The following FBXO44 variants were observed in gnomAD, a reference collection of about 807,000 sequenced individuals.
FBXO44 encodes F-box only protein 44.
A neutral mutation model predicts 33.5 loss-of-function variants in FBXO44; 25 were observed. That is an observed-to-expected ratio of 0.75 (90% CI 0.54 to 1.04). The LOEUF is 1.04. Among genes scored for constraint, FBXO44 ranks in the 50% least tolerant of loss-of-function variants. FBXO44 has a pLI of 0.00. For synonymous variants in FBXO44, 147 were observed against 152.8 expected, an observed-to-expected ratio of 0.96 and a Z score of 0.28; for missense variants, 311 against 344.0, an observed-to-expected ratio of 0.90 and a Z score of 0.76.
intron 2 of FBXO44, 114 bp from the exon 3 acceptor site, chr1:11,658,153 A>G: frequency 2.6e-6 from 4 of 1,552,630 alleles, no homozygotes; most frequent in Non-Finnish European, 3.5e-6. Flanking sequence ...CCCACAGCAC[A>G]GGGCTTGAGG....
Position 11,658,304 on chromosome 1 carries a change from C to T in FBXO44, c.303C>T (p.Gly101=), listed in dbSNP as rs376857563. ...FEFWSLDVNG[G]DEWKVEDLSR... is the part of the protein sequence containing the mutation. ...TCTGGAGCCTGGATGTGAATGGAGG[C>T]GATGAGTGGAAGGTGGAGGATCTCT... The change falls in exon 3 of 6, where the codon GGC becomes GGT. Residue 101 remains glycine (G), a synonymous_variant. Transcript: ENST00000251547. 144 of 1,613,430 alleles carry T rather than the reference C, an allele frequency of 8.9e-5. No individual in the cohort carries two copies. The highest frequency in any genetic ancestry group is 1.1e-4 in the Non-Finnish European group (134 of 1,179,874).
chr1:11,654,783 C>T (rs1390909904), upstream of FBXO44: 1 of 151,422 alleles, frequency 6.6e-6, no homozygotes, highest in Non-Finnish European at 1.5e-5. Context: ...GGTAATTTTC[C>T]TACGACGCGG....
At position 11,661,333 on chromosome 1, in the gene FBXO44, G is replaced by A. The variant is rs746928575; in HGVS notation, c.*60G>A. ...GGTAAACAACTGCTGTCAGAAAAGG[G>A]CTGGGCTTGGGAAGGGGAGGTGGAG... On this transcript the variant is annotated 3_prime_UTR_variant, in exon 6 of 6. Transcript: ENST00000251547. This position sits in a 1 kb window ranked among gnomAD's most constrained non-coding sequence, Gnocchi z 4.4. The A allele has an allele frequency of 6.2e-7, 1 of 1,604,744 alleles. No homozygotes were observed. The highest frequency in any genetic ancestry group is 8.5e-7 in the Non-Finnish European group (1 of 1,173,140).
chr1:11,657,162 A>G (rs911479873), intron 2 of FBXO44, among the ~76,000 whole-genome samples: 30 of 152,204 alleles, frequency 2.0e-4, no homozygotes, highest in Non-Finnish European at 7.3e-5. Context: ...GGCATTAATA[A>G]TTGTTCTAAT....
chr1:11,658,975 T>G, intron 5 of FBXO44, 104 bp downstream of exon 5: 1 of 1,398,868 alleles, frequency 7.1e-7, no homozygotes, highest in Admixed American at 2.1e-5. Flanking sequence ...TTCTCACCTG[T>G]GCTTCCAATG....
chr1:11,656,825 A>G (rs968853998), intron 2 of FBXO44, among the ~76,000 whole-genome samples: 3 of 152,146 alleles, frequency 2.0e-5, no homozygotes, highest in South Asian at 2.1e-4. Flanking sequence ...ATGTTGGCCA[A>G]CTGAGACTAA....
rs1346095057 is a variant in FBXO44 at position 11,662,511 on chromosome 1, C to A, written c.*1238C>A. On this transcript the variant is annotated 3_prime_UTR_variant, in exon 6 of 6. Coordinates refer to ENST00000251547, the MANE Select transcript of FBXO44 (RefSeq NM_033182.7). ...CTGCTGGCTTCCTCTGGAGGCCCAG[C>A]CACAGGCTGGGGTTGGGGTGTGTGG... 5 of 152,262 alleles carry A rather than the reference C, an allele frequency of 3.3e-5. No individual in the cohort carries two copies. Among genetic ancestry groups the A allele is most frequent in the South Asian group, 2.1e-4 (1 of 4,838 alleles). 9.4% of individuals were successfully genotyped at this position (152,262 alleles called of 1,614,324 possible). A position where few individuals can be genotyped will look rare whatever the true frequency, so the allele number is the denominator to read the frequency against.
intron 2 of FBXO44, 137 bp from the exon 3 acceptor site, chr1:11,658,130 T>C (rs1243468541): frequency 2.1e-6 from 3 of 1,424,854 alleles, no homozygotes; most frequent in Non-Finnish European, 2.9e-6. Context: ...GTGGGCACTG[T>C]GATCTGCAGC....
intron 4 of FBXO44, 34 bp from the exon 5 acceptor site, chr1:11,658,702 C>T: frequency 6.3e-7 from 1 of 1,599,358 alleles, no homozygotes; most frequent in Non-Finnish European, 8.6e-7. Flanking sequence ...CCCCCAATCT[C>T]CGAGGCCCTG....
At chr1:11,659,691 T>G (rs1289284998) in intron 5 of FBXO44, among the ~76,000 whole-genome samples, 1 of 152,022 alleles carries the variant, frequency 6.6e-6, no homozygotes, top group African/African-American at 2.4e-5. Context: ...AGATGGAGTT[T>G]TGCTTTGTTG....
chr1:11,660,768 T>C (rs1443432891), intron 5 of FBXO44, among the ~76,000 whole-genome samples: 3 of 152,038 alleles, frequency 2.0e-5, no homozygotes, highest in Non-Finnish European at 2.9e-5. Flanking sequence ...CCCACCCTTT[T>C]TGTTAAGGCT....
At chr1:11,660,983 T>C (rs1640146675) in intron 5 of FBXO44, 147 bp from the exon 6 acceptor site, 2 of 771,234 alleles carry the variant, frequency 2.6e-6, no homozygotes, top group Non-Finnish European at 4.2e-6. Context: ...CACTCTCTGG[T>C]TTGCGACAAG....
rs1440924871 is a variant in FBXO44, at chr1:11,656,531, G to A, written c.265+431G>A. On this transcript the variant is annotated intron_variant, in intron 2 of 5. Transcript: ENST00000251547. ...AGCTGGAGTGCAATGGTGCGATCTC[G>A]GCTCACTGCAACCTCCACCTCCTGG... Among the ~76,000 whole-genome samples the A allele has an allele frequency of 3.3e-5, 5 of 151,198 alleles. No homozygotes were observed. In the East Asian group the frequency reaches 5.8e-4, roughly 18 times the overall value.
chr1:11,657,896 CCA>C (rs1188469033), intron 2 of FBXO44, among the ~76,000 whole-genome samples: 2 of 152,144 alleles, frequency 1.3e-5, no homozygotes, highest in East Asian at 3.9e-4. Flanking sequence ...TATTCTTACT[CCA>C]GTTTACAGAG....
chr1:11,661,157 C>A lies in FBXO44; in HGVS notation c.652C>A (p.Pro218Thr). 6.2e-7 allele frequency: 1 copy of A among 1,613,690 alleles called. No homozygotes were observed. The highest frequency in any genetic ancestry group is 1.1e-5 in the South Asian group (1 of 91,060). Residue 218 changes from proline to threonine, a missense_variant, in exon 6 of 6, where the codon CCC becomes ACC. Coordinates refer to ENST00000251547, the MANE Select transcript of FBXO44 (RefSeq NM_033182.7). This position sits in a 1 kb window ranked among gnomAD's most constrained non-coding sequence, Gnocchi z 4.4. ...EVSHTFSNYP[P>T]GVRYIWFQHG... ...CTCCCACACATTCTCCAACTACCCGCCCGGCGTCCGCTACATCTGGTTTCA... is the reference window on the plus strand; with the variant it reads ...CTCCCACACATTCTCCAACTACCCGACCGGCGTCCGCTACATCTGGTTTCA...
In FBXO44 at chr1:11,658,770, C is replaced by G. The variant is rs1158817632; in HGVS notation, c.523C>G (p.Gln175Glu). ...CAGGCCAGATTGCGGGTCCAAGTACCAGCTGTGCGTTCAGCTCCTGTCGTC... is the reference window on the plus strand; with the variant it reads ...CAGGCCAGATTGCGGGTCCAAGTACGAGCTGTGCGTTCAGCTCCTGTCGTC... ...AARPDCGSKY[Q>E]LCVQLLSSAH... The change falls in exon 5 of 6, where the codon CAG becomes GAG. Residue 175 changes from glutamine to glutamate, a missense_variant. By Grantham distance (29) the Gln-to-Glu change is conservative. Coordinates refer to ENST00000251547, the MANE Select transcript of FBXO44 (RefSeq NM_033182.7). The G allele has an allele frequency of 5.0e-6, 8 of 1,614,056 alleles. No homozygotes were observed. Among genetic ancestry groups the G allele is most frequent in the Non-Finnish European group, 5.1e-6 (6 of 1,179,992 alleles).
In FBXO44 at chr1:11,655,823, G is replaced by T. The variant is rs200757621; in HGVS notation, c.-13G>T. 6.2e-7 allele frequency: 1 copy of T among 1,611,644 alleles called. No individual in the cohort carries two copies. Among genetic ancestry groups the T allele is most frequent in the South Asian group, 1.1e-5 (1 of 91,050 alleles). ...TTCAACAGCTACAGGAGGGTGTCCA[G>T]AAGCCACAAGCCATGGCTGTGGGGA... On this transcript the variant is annotated 5_prime_UTR_variant, in exon 2 of 6. Transcript: ENST00000251547.
At chr1:11,655,019 A>G (rs1639674356) in intron 1 of FBXO44, 67 bp downstream of exon 1, 1 of 151,730 alleles carries the variant, frequency 6.6e-6, no homozygotes, top group African/African-American at 2.4e-5. Flanking sequence ...GCTGCCGGGA[A>G]GGCTCCTGGG....
At chr1:11,658,977 C>T in intron 5 of FBXO44, 106 bp downstream of exon 5, 1 of 1,395,886 alleles carries the variant, frequency 7.2e-7, no homozygotes, top group Non-Finnish European at 9.7e-7. Context: ...CTCACCTGTG[C>T]TTCCAATGCT....
Sources: allele counts gnomAD v4.1 joint callset (sites outside exome capture counted in the v4.1 genomes callset), GRCh38; gene constraint gnomAD v4.1.1; non-coding constraint Gnocchi (gnomAD v3.1); transcripts MANE v1.5; gene names NCBI Gene and HGNC (gene_info 2026-07-23, HGNC 2026-07-21).